EHMT1: variants seen among roughly 807,000 people sequenced by gnomAD.
EHMT1 encodes the protein histone-lysine N-methyltransferase EHMT1.
A neutral mutation model predicts 147.2 loss-of-function variants in EHMT1; 15 were observed. The ratio of observed to expected loss-of-function variants is 0.10; its 90% CI spans 0.07 to 0.16. The LOEUF is 0.16. Among genes scored for constraint, EHMT1 ranks in the 10% least tolerant of loss-of-function variants. The probability of loss-of-function intolerance (pLI) is 1.00; values close to 1 mark genes in which losing one functional copy is unlikely to be tolerated. For missense variants in EHMT1, 1,587 were observed against 1,772.4 expected, an observed-to-expected ratio of 0.90 and a Z score of 1.88; for synonymous variants, 795 against 709.6, an observed-to-expected ratio of 1.12 and a Z score of -1.91.
intron 1 of EHMT1, among the ~76,000 whole-genome samples, chr9:137,706,348 G>A (rs552137353): frequency 8.5e-5 from 13 of 152,352 alleles, no homozygotes; most frequent in African/African-American, 2.9e-4. Flanking sequence ...GAAAGGTCTT[G>A]ATTTAGGATA....
chr9:137,776,080 T>C lies in EHMT1; in HGVS notation c.1792-538T>C, dbSNP rs577310813. Among the ~76,000 whole-genome samples, 2 of 152,310 alleles carry C rather than the reference T, an allele frequency of 1.3e-5. No individual in the cohort carries two copies. The highest frequency in any genetic ancestry group is 4.8e-5 in the African/African-American group (2 of 41,570). ...TTCTTTGGACTTCACACCTTGCATG[T>C]CCTCCCCATCTTCAAACATCCTTTT... On this transcript the variant is annotated intron_variant, in intron 11 of 26. Coordinates refer to ENST00000460843, the MANE Select transcript of EHMT1 (RefSeq NM_024757.5). This position sits in a 1 kb window ranked among gnomAD's most constrained non-coding sequence, Gnocchi z 4.4.
intron 4 of EHMT1, among the ~76,000 whole-genome samples, chr9:137,730,517 G>T (rs747946473): frequency 6.6e-6 from 1 of 152,028 alleles, no homozygotes; most frequent in Non-Finnish European, 1.5e-5. Context: ...TCTTGAACTC[G>T]TGGGCTCAAG....
chr9:137,635,683 G>A (rs1013063930), intron 1 of EHMT1, among the ~76,000 whole-genome samples: 10 of 151,124 alleles, frequency 6.6e-5, no homozygotes, highest in African/African-American at 2.2e-4. Flanking sequence ...AGTGGGACGT[G>A]GTGGCGGGCG....
intron 9 of EHMT1, among the ~76,000 whole-genome samples, chr9:137,762,254 C>G (rs1023424299): frequency 6.9e-6 from 1 of 145,916 alleles, no homozygotes; most frequent in Non-Finnish European, 1.5e-5. Flanking sequence ...TAAAACCTTC[C>G]AAACTGATTT....
At chr9:137,743,348 T>C in intron 4 of EHMT1, 23 bp from the exon 5 acceptor site, 10 of 1,578,514 alleles carry the variant, frequency 6.3e-6, no homozygotes, top group Non-Finnish European at 8.6e-6. Flanking sequence ...TTGTCCCCTT[T>C]TGACTTTTTT....
At chr9:137,808,924 TA>T (rs1013228681) in intron 18 of EHMT1, among the ~76,000 whole-genome samples, 3 of 150,768 alleles carry the variant, frequency 2.0e-5, no homozygotes, top group Non-Finnish European at 3.0e-5. Context: ...ACTCCGCCTC[TA>T]AAAAAAAATA....
In EHMT1 at chr9:137,821,703, A is replaced by G. The variant is rs115113861; in HGVS notation, c.3540+3565A>G. Among the ~76,000 whole-genome samples, 1,392 of 152,300 alleles carry G rather than the reference A, an allele frequency of 9.1e-3. 32 individuals carry two copies. Among genetic ancestry groups the G allele is most frequent in the African/African-American group, 0.031 (1,305 of 41,550 alleles). Reference sequence around the variant, plus strand: ...CTGAAGTCAGCTTAACAAGTTCTACAGAAGCTCCTGTAGGGATTTGATTGG... The same window carrying G: ...CTGAAGTCAGCTTAACAAGTTCTACGGAAGCTCCTGTAGGGATTTGATTGG... On this transcript the variant is annotated intron_variant, in intron 25 of 26. Transcript: ENST00000460843.
intron 18 of EHMT1, among the ~76,000 whole-genome samples, chr9:137,805,338 A>C (rs1255349484): frequency 6.6e-6 from 1 of 151,978 alleles, no homozygotes. Context: ...TGAGTTGGTC[A>C]TCCATGTCAG....
chr9:137,827,657 C>T (rs1225816650), intron 25 of EHMT1, among the ~76,000 whole-genome samples: 3 of 152,196 alleles, frequency 2.0e-5, no homozygotes, highest in African/African-American at 2.4e-5. Context: ...ACAGCCCATT[C>T]CCCACTGACT....
Position 137,787,866 on chromosome 9 carries a change from G to T in EHMT1, c.2383-2982G>T. On this transcript the variant is annotated intron_variant, in intron 15 of 26. Coordinates refer to ENST00000460843, the MANE Select transcript of EHMT1 (RefSeq NM_024757.5). This position sits in a 1 kb window ranked among gnomAD's most constrained non-coding sequence, Gnocchi z 4.2. ...TGACGGTGGACATTGGGGATAGGAG[G>T]TGGGTGGGGGTGCCAAGGGCATTAC... The T allele has an allele frequency of 8.7e-7, 1 of 1,146,152 alleles. No individual in the cohort carries two copies. Among genetic ancestry groups the T allele is most frequent in the Non-Finnish European group, 1.3e-6 (1 of 756,904 alleles). 71.0% of individuals were successfully genotyped at this position (1,146,152 alleles called of 1,614,324 possible).
intron 1 of EHMT1, among the ~76,000 whole-genome samples, chr9:137,642,502 A>G (rs953947996): frequency 6.6e-6 from 1 of 152,124 alleles, no homozygotes; most frequent in Non-Finnish European, 1.5e-5. Context: ...GATATTTTCT[A>G]GTGTATACCA....
chr9:137,711,062 A>G lies in EHMT1; in HGVS notation c.85+32A>G, dbSNP rs377671273. ...GCGGTGTGCACCGAGGGACAGGAGC[A>G]GCGCCTCCCTCCAGACTAGAAAACC... On this transcript the variant is annotated intron_variant, in intron 2 of 26. Transcript: ENST00000460843. 5.1e-6 allele frequency: 8 copies of G among 1,567,206 alleles called. No homozygotes were observed. In the African/African-American group the frequency reaches 5.4e-5, roughly 11 times the overall value.
At chr9:137,824,913 G>A (rs1955701438) in intron 25 of EHMT1, among the ~76,000 whole-genome samples, 1 of 152,154 alleles carries the variant, frequency 6.6e-6, no homozygotes, top group East Asian at 1.9e-4. Context: ...TGTGAGTAAA[G>A]ACAGTTTTTC....
At chr9:137,801,655 C>G (rs1261375568) in intron 18 of EHMT1, among the ~76,000 whole-genome samples, 2 of 152,182 alleles carry the variant, frequency 1.3e-5, no homozygotes, top group African/African-American at 4.8e-5. Flanking sequence ...CCCACGACCA[C>G]ACCTGGCTAA....
chr9:137,644,835 G>A (rs544608194), intron 1 of EHMT1, among the ~76,000 whole-genome samples: 1 of 151,962 alleles, frequency 6.6e-6, no homozygotes, highest in East Asian at 1.9e-4. Flanking sequence ...TTGCTAGATT[G>A]TAAACTCTTT....
chr9:137,694,652 C>T (rs1008041888), intron 1 of EHMT1, among the ~76,000 whole-genome samples: 1 of 152,200 alleles, frequency 6.6e-6, no homozygotes, highest in African/African-American at 2.4e-5. Context: ...CTGTAAGTCT[C>T]CACAGGGCTG....
rs1417694539 is a variant in EHMT1, at chr9:137,777,988, C to T, written c.2125C>T (p.Pro709Ser). ...TGPAGLGRPT[P>S]GLSQGPGKET... ...ACCTGCTGGGCTTGGGAGGCCAACT[C>T]CCGGCCTTTCCCAGGGACCAGGGAA... is the stretch of plus-strand genomic sequence containing the variant. Residue 709 changes from proline (P) to serine (S), a missense_variant, in exon 13 of 27, where the codon CCC (proline) becomes TCC (serine). Pro to Ser is a moderately conservative substitution (Grantham distance 74). Around this residue, in one of 7 missense-constraint regions of EHMT1, gnomAD observed 77 missense variants for 79.3 expected, o/e 0.97. Transcript: ENST00000460843. 6.2e-7 allele frequency: 1 copy of T among 1,613,878 alleles called. No individual in the cohort carries two copies. The highest frequency in any genetic ancestry group is 2.2e-5 in the East Asian group (1 of 44,876).
intron 1 of EHMT1, among the ~76,000 whole-genome samples, chr9:137,652,098 A>G (rs887110849): frequency 2.0e-5 from 3 of 152,206 alleles, no homozygotes; most frequent in Non-Finnish European, 4.4e-5. Context: ...CAGGCCCTTC[A>G]GGAGGAGTCT....
At chr9:137,695,017 C>T (rs938368376) in intron 1 of EHMT1, among the ~76,000 whole-genome samples, 4 of 152,196 alleles carry the variant, frequency 2.6e-5, no homozygotes, top group African/African-American at 7.2e-5. Flanking sequence ...TCAAGGCACC[C>T]GTTCTGGTCA....
Sources: allele counts gnomAD v4.1 joint callset (sites outside exome capture counted in the v4.1 genomes callset), GRCh38; gene constraint gnomAD v4.1.1; regional missense constraint gnomAD v4.1.1; non-coding constraint Gnocchi (gnomAD v3.1); transcripts MANE v1.5; gene names NCBI Gene and HGNC (gene_info 2026-07-23, HGNC 2026-07-21).